The following KIF6 variants were observed in gnomAD, a reference collection of about 807,000 sequenced individuals.
The protein encoded by KIF6 is kinesin family member 6, also known as kinesin-like protein KIF6.
KIF6 carries 106 observed loss-of-function variants against 112.7 expected under a neutral mutation model. The observed-to-expected ratio is 0.94, with a 90% confidence interval of 0.80 to 1.11. The LOEUF (loss-of-function observed/expected upper bound fraction) is 1.11. Ranked by LOEUF, KIF6 falls within the 50% of genes least tolerant of loss-of-function variation. The pLI is 0.00. For synonymous variants in KIF6, 339 were observed against 339.9 expected (o/e 1.00, Z 0.03); for missense variants, 929 against 964.0 (o/e 0.96, Z 0.48).
chr6:39,343,656 C>T lies in KIF6; in HGVS notation c.2428+53G>A. The T allele has an allele frequency of 7.1e-7, 1 of 1,406,554 alleles. No homozygotes were observed. The highest frequency in any genetic ancestry group is 9.9e-7 in the Non-Finnish European group (1 of 1,013,258). The allele number at this position is 1,406,554 out of a possible 1,614,324, so 87.1% of individuals were successfully genotyped here. ...CTCCCACCTCACTGTGTGCTCCCCA[C>T]AAGTGTTGGTGACCTGCTGCCCAGG... On this transcript the variant is annotated intron_variant, in intron 22 of 22. Coordinates refer to ENST00000287152, the MANE Select transcript of KIF6 (RefSeq NM_145027.6). This position sits in a 1 kb window ranked among gnomAD's most constrained non-coding sequence, Gnocchi z 4.1.
chr6:39,670,869 A>G (rs1263263353), intron 3 of KIF6, among the ~76,000 whole-genome samples: 1 of 152,184 alleles, frequency 6.6e-6, no homozygotes, highest in East Asian at 1.9e-4. Flanking sequence ...ATATGAGGGC[A>G]TTGTAGATGT....
intron 10 of KIF6, among the ~76,000 whole-genome samples, chr6:39,553,257 A>C (rs2150581823): frequency 6.6e-6 from 1 of 152,322 alleles, no homozygotes; most frequent in African/African-American, 2.4e-5. Context: ...GGGGCCAGAA[A>C]GTTCATGGTT....
At chr6:39,551,726 G>A (rs1156908308) in intron 10 of KIF6, among the ~76,000 whole-genome samples, 2 of 152,110 alleles carry the variant, frequency 1.3e-5, no homozygotes, top group African/African-American at 4.8e-5. Flanking sequence ...AGAATTGAGA[G>A]AATAGTTACA....
intron 5 of KIF6, chr6:39,617,579 G>A: frequency 2.8e-6 from 1 of 357,796 alleles, no homozygotes; most frequent in Admixed American, 2.8e-5. Context: ...CCATGTCTGA[G>A]GGGGTGCTAT....
intron 10 of KIF6, 98 bp from the exon 11 acceptor site, chr6:39,545,786 T>C: frequency 1.4e-6 from 1 of 701,008 alleles, no homozygotes; most frequent in Non-Finnish European, 2.5e-6. Flanking sequence ...TACAGAATAT[T>C]GTTCCCACCT....
chr6:39,664,440 T>C (rs1321961182), intron 3 of KIF6, among the ~76,000 whole-genome samples: 2 of 152,228 alleles, frequency 1.3e-5, no homozygotes, highest in Non-Finnish European at 2.9e-5. Context: ...TGGGATTATG[T>C]GTCCTCTCAA....
At chr6:39,714,662 G>A (rs769725810) in intron 3 of KIF6, 30 bp downstream of exon 3, 2 of 1,514,248 alleles carry the variant, frequency 1.3e-6, no homozygotes, top group Non-Finnish European at 1.8e-6. Context: ...AAAACCACGA[G>A]CCCACTGAAC....
chr6:39,635,164 C>T (rs564880745), intron 4 of KIF6, among the ~76,000 whole-genome samples: 17 of 151,968 alleles, frequency 1.1e-4, no homozygotes, highest in Non-Finnish European at 2.1e-4. Context: ...CCCATGATTA[C>T]AAGCAACTTC....
At chr6:39,684,962 C>G (rs563395981) in intron 3 of KIF6, among the ~76,000 whole-genome samples, 1 of 152,204 alleles carries the variant, frequency 6.6e-6, no homozygotes, top group Non-Finnish European at 1.5e-5. Context: ...CAAAAGCAGT[C>G]TCAGCAGGGC....
chr6:39,381,455 G>T (rs1424560039), intron 16 of KIF6, among the ~76,000 whole-genome samples: 1 of 152,172 alleles, frequency 6.6e-6, no homozygotes, highest in East Asian at 1.9e-4. Flanking sequence ...TTTACTCTTA[G>T]ATCTGAAGCC....
chr6:39,422,878 A>G (rs1294507936), intron 14 of KIF6, among the ~76,000 whole-genome samples: 1 of 152,168 alleles, frequency 6.6e-6, no homozygotes, highest in Non-Finnish European at 1.5e-5. Context: ...CTCATCCATG[A>G]GATGGCTCAG....
chr6:39,363,873 C>T (rs1404060932), intron 16 of KIF6, among the ~76,000 whole-genome samples: 1 of 152,218 alleles, frequency 6.6e-6, no homozygotes, highest in Non-Finnish European at 1.5e-5. Context: ...CATCTGCTTT[C>T]TGCTCAAATA....
Position 39,336,467 on chromosome 6 carries a change from G to A in KIF6, c.*65C>T. Reference sequence around the variant, plus strand: ...ACTTCTGAAGCCAGAGCAAGTGAGGGGCGCTGCCTTCATCTGTGCTTCATT... The same window carrying A: ...ACTTCTGAAGCCAGAGCAAGTGAGGAGCGCTGCCTTCATCTGTGCTTCATT... On this transcript the variant is annotated 3_prime_UTR_variant, in exon 23 of 23. Transcript: ENST00000287152. 1 of 1,499,978 alleles carries A rather than the reference G, an allele frequency of 6.7e-7. No individual in the cohort carries two copies. The highest frequency in any genetic ancestry group is 1.4e-5 in the African/African-American group (1 of 72,888). The allele number at this position is 1,499,978 out of a possible 1,614,324, so 92.9% of individuals were successfully genotyped here.
In KIF6 at chr6:39,398,632, T is replaced by C. The variant is rs187084630; in HGVS notation, c.1811-12960A>G. ...TTTGGGGGAAGCTCTAAAAATGAAA[T>C]AACCCAAATGCAGGTAGGTGCTTCT... On this transcript the variant is annotated intron_variant, in intron 15 of 22. Coordinates refer to ENST00000287152, the MANE Select transcript of KIF6 (RefSeq NM_145027.6). Among the ~76,000 whole-genome samples, 12 of 152,328 alleles carry C rather than the reference T, an allele frequency of 7.9e-5. No homozygotes were observed. The East Asian group carries it at 2.3e-3, about 29-fold the overall frequency.
chr6:39,698,483 T>A (rs1466623401), intron 3 of KIF6, among the ~76,000 whole-genome samples: 1 of 151,998 alleles, frequency 6.6e-6, no homozygotes, highest in African/African-American at 2.4e-5. Context: ...TGCTTGAGAG[T>A]GAATACAAGT....
At chr6:39,442,124 C>T (rs747313635) in intron 13 of KIF6, among the ~76,000 whole-genome samples, 10 of 152,170 alleles carry the variant, frequency 6.6e-5, no homozygotes, top group African/African-American at 1.9e-4. Flanking sequence ...GTGCAGACCA[C>T]GCGGGCTGGG....
intron 13 of KIF6, among the ~76,000 whole-genome samples, chr6:39,496,974 G>A (rs558360444): frequency 3.3e-4 from 50 of 152,342 alleles, no homozygotes; most frequent in Middle Eastern, 6.8e-3. Flanking sequence ...ACAAAAGAAA[G>A]ATTCCACACT....
chr6:39,482,155 G>A (rs1249527017), intron 13 of KIF6, among the ~76,000 whole-genome samples: 1 of 152,104 alleles, frequency 6.6e-6, no homozygotes, highest in Non-Finnish European at 1.5e-5. Flanking sequence ...TAGACCCCAA[G>A]TCATTCACCA....
chr6:39,452,192 T>C (rs17456524), intron 13 of KIF6, among the ~76,000 whole-genome samples: 5,347 of 151,610 alleles, frequency 0.035, 171 homozygotes, highest in Admixed American at 0.065. Flanking sequence ...GGGGCCCCAA[T>C]TGCCCTCATC....
Sources: allele counts gnomAD v4.1 joint callset (sites outside exome capture counted in the v4.1 genomes callset), GRCh38; gene constraint gnomAD v4.1.1; non-coding constraint Gnocchi (gnomAD v3.1); transcripts MANE v1.5; gene names NCBI Gene and HGNC (gene_info 2026-07-23, HGNC 2026-07-21).